SMG8: variants seen among roughly 807,000 people sequenced by gnomAD.
SMG8 encodes nonsense-mediated mRNA decay factor SMG8.
SMG8 carries 49 observed loss-of-function variants against 82.1 expected under a neutral mutation model. The observed-to-expected ratio is 0.60, with a 90% CI of 0.47 to 0.76. The LOEUF is 0.76. SMG8 is among the 30% of genes least tolerant of loss of function. SMG8 has a pLI of 0.00. For synonymous variants in SMG8, 404 were observed against 430.0 expected (o/e 0.94, Z 0.75); for missense variants, 969 against 1,166.4 (o/e 0.83, Z 2.46).
In SMG8 at chr17:59,210,116, G is replaced by T; in HGVS notation, c.65G>T (p.Ser22Ile). 6.3e-7 allele frequency: 1 copy of T among 1,581,008 alleles called. No homozygotes were observed. Among genetic ancestry groups the T allele is most frequent in the South Asian group, 1.2e-5 (1 of 85,668 alleles). Residue 22 changes from serine (S) to isoleucine (I), a missense_variant, in exon 1 of 4, where the codon AGT (serine) becomes ATT (isoleucine). Around this residue, in one of 3 missense-constraint regions of SMG8, gnomAD observed 206 missense variants for 190.5 expected, o/e 1.08. Coordinates refer to ENST00000300917, the MANE Select transcript of SMG8 (RefSeq NM_018149.7). The part of the protein sequence containing the change: ...MGASAWMGSE[S>I]PGGSPTEGGG... ...GCATCAGCCTGGATGGGCTCTGAAA[G>T]TCCCGGAGGGTCCCCTACTGAGGGC...
Position 59,211,648 on chromosome 17 carries a change from C to G in SMG8, c.1597C>G (p.Arg533Gly). 6.2e-7 allele frequency: 1 copy of G among 1,613,968 alleles called. No individual in the cohort carries two copies. The highest frequency in any genetic ancestry group is 8.5e-7 in the Non-Finnish European group (1 of 1,179,992). The part of the protein sequence containing the change: ...VHKNQLAQAL[R>G]VYSQHARGPA... ...TAAGAATCAGCTTGCCCAGGCTCTT[C>G]GAGTGTACAGTCAACATGCTAGAGG... The change falls in exon 1 of 4, where the codon CGA becomes GGA. Residue 533 changes from arginine to glycine, a missense_variant. Physicochemically the swap from Arg to Gly is moderately radical, Grantham distance 125 (BLOSUM62 -2). This residue lies in a region of SMG8 where 662 missense variants were observed against 884.8 expected (regional missense o/e 0.75). Coordinates refer to ENST00000300917, the MANE Select transcript of SMG8 (RefSeq NM_018149.7).
In SMG8 at chr17:59,212,484, C is replaced by G; in HGVS notation, c.1903C>G (p.Gln635Glu). The G allele has an allele frequency of 6.3e-7, 1 of 1,592,464 alleles. No individual in the cohort carries two copies. Among genetic ancestry groups the G allele is most frequent in the Non-Finnish European group, 8.6e-7 (1 of 1,165,802 alleles). Reference protein sequence around the residue: ...DIKAANYDFYQLLEEKCCGKL... With the variant: ...DIKAANYDFYELLEEKCCGKL... ...CAAAGCAGCCAATTATGACTTCTAT[C>G]AGGTAGACTCTGAATTTTTTCTTCT... is the stretch of plus-strand genomic sequence containing the variant. Residue 635 changes from glutamine to glutamate, a missense_variant and splice_region_variant, in exon 2 of 4, where the codon CAG becomes GAG. By Grantham distance (29) the Gln-to-Glu change is conservative (BLOSUM62 2). Around this residue, in one of 3 missense-constraint regions of SMG8, gnomAD observed 662 missense variants for 884.8 expected, o/e 0.75. Coordinates refer to ENST00000300917, the MANE Select transcript of SMG8 (RefSeq NM_018149.7).
rs745725438 is a variant in SMG8 at position 59,211,257 on chromosome 17, A to G, written c.1206A>G (p.Ser402=). 1.2e-6 allele frequency: 2 copies of G among 1,614,142 alleles called. No homozygotes were observed. The highest frequency in any genetic ancestry group is 1.7e-6 in the Non-Finnish European group (2 of 1,180,004). The change falls in exon 1 of 4, where the codon TCA becomes TCG. Residue 402 remains serine, a synonymous_variant. Transcript: ENST00000300917. ...TTGACAGCAGCAGTTCCAGTTCTTC[A>G]GGCCAGCTAGTGGATTTCACTCTTC... The part of the protein sequence containing the change: ...FHIDSSSSSS[S]GQLVDFTLRE...
At position 59,210,233 on chromosome 17, in the gene SMG8, A is replaced by G; in HGVS notation, c.182A>G (p.Asn61Ser). The G allele has an allele frequency of 1.2e-6, 2 of 1,610,540 alleles. No individual in the cohort carries two copies. Among genetic ancestry groups the G allele is most frequent in the East Asian group, 4.5e-5 (2 of 44,798 alleles). The change falls in exon 1 of 4, where the codon AAT becomes AGT. Residue 61 changes from asparagine to serine, a missense_variant. Asn to Ser is a conservative substitution (Grantham distance 46, BLOSUM62 1). Transcript: ENST00000300917. ...TTCGGCAAGACGGCTCTACGCCTGA[A>G]TTCCGAGAAGTTCTCTCTTGTGAAT... ...GIFGKTALRLNSEKFSLVNTV... is the reference protein window; with the variant it reads ...GIFGKTALRLSSEKFSLVNTV...
At position 59,214,786 on chromosome 17, in the gene SMG8, T is replaced by C. The variant is rs376970985; in HGVS notation, c.2779-19T>C. ...ATATTGAGAAATGTGAAAATAATTA[T>C]ACTACCTGTGTTTTTCAGGTTCAGC... On this transcript the variant is annotated intron_variant, in intron 3 of 3. Coordinates refer to ENST00000300917, the MANE Select transcript of SMG8 (RefSeq NM_018149.7). The C allele has an allele frequency of 7.7e-5, 67 of 870,330 alleles. No individual in the cohort carries two copies. The highest frequency in any genetic ancestry group is 1.3e-4 in the Non-Finnish European group (66 of 500,502). The allele number at this position is 870,330 out of a possible 1,614,324, so 53.9% of individuals were successfully genotyped here.
chr17:59,212,589 C>T (rs944863961), intron 2 of SMG8, 103 bp downstream of exon 2: 1 of 1,471,830 alleles, frequency 6.8e-7, no homozygotes, highest in Non-Finnish European at 9.2e-7. Context: ...AAAGCAAATG[C>T]AACTGCAGTA....
chr17:59,212,288 G>C (rs967563989), intron 1 of SMG8, 53 bp from the exon 2 acceptor site: 11 of 1,483,680 alleles, frequency 7.4e-6, no homozygotes, highest in Admixed American at 3.8e-5. Flanking sequence ...AGAATGCAAA[G>C]TAAATTCGCA....
intron 1 of SMG8, chr17:59,212,108 AAAAT>A (rs1489450541): frequency 7.0e-6 from 3 of 430,086 alleles, no homozygotes; most frequent in African/African-American, 6.1e-5. Context: ...TTGTAGAACT[AAAAT>A]GAATGTTATG....
chr17:59,211,817 A>G lies in SMG8; in HGVS notation c.1759+7A>G. 1 of 1,512,864 alleles carries G rather than the reference A, an allele frequency of 6.6e-7. No homozygotes were observed. Among genetic ancestry groups the G allele is most frequent in the Non-Finnish European group, 8.8e-7 (1 of 1,137,534 alleles). The allele number at this position is 1,512,864 out of a possible 1,614,324, so 93.7% of individuals were successfully genotyped here. A position where few individuals can be genotyped will look rare whatever the true frequency, so the allele number is the denominator to read the frequency against. On this transcript the variant is annotated splice_region_variant and intron_variant, in intron 1 of 3. Transcript: ENST00000300917. ...CACTCATTACCTAAATCAGGTAGCT[A>G]AAATTTGTTCAGCATTTTGAAATAA... is the stretch of plus-strand genomic sequence containing the variant.
rs773694805 is a variant in SMG8 at position 59,210,400 on chromosome 17, C to T, written c.349C>T (p.Arg117Trp). The change falls in exon 1 of 4, where the codon CGG becomes TGG. Residue 117 changes from arginine (R) to tryptophan (W), a missense_variant. Physicochemically the swap from Arg to Trp is moderately radical, Grantham distance 101. Coordinates refer to ENST00000300917, the MANE Select transcript of SMG8 (RefSeq NM_018149.7). ...TGGGGCTGCAGCCGGGGGTTCAGTT[C>T]GGGGAAGTGGAGCTGTCGCGGAAGG... ...DPGAAAGGSV[R>W]GSGAVAEGNR... 35 of 1,610,440 alleles carry T rather than the reference C, an allele frequency of 2.2e-5. No individual in the cohort carries two copies. The highest frequency in any genetic ancestry group is 4.0e-5 in the African/African-American group (3 of 74,830).
intron 2 of SMG8, 62 bp from the exon 3 acceptor site, chr17:59,212,667 T>A (rs1261889651): frequency 6.6e-7 from 1 of 1,517,974 alleles, no homozygotes; most frequent in Non-Finnish European, 8.8e-7. Context: ...TTGATCTTGT[T>A]AGAATGAAGA....
rs777293335 is a variant in SMG8, at chr17:59,212,350, C to A, written c.1769C>A (p.Pro590Gln). The change falls in exon 2 of 4, where the codon CCA (proline) becomes CAA (glutamine). Residue 590 changes from proline (P) to glutamine (Q), a missense_variant. Pro to Gln is a moderately conservative substitution (Grantham distance 76). Around this residue, in one of 3 missense-constraint regions of SMG8, gnomAD observed 662 missense variants for 884.8 expected, o/e 0.75. Transcript: ENST00000300917. ...FHSLPKSGEK[P>Q]EADRNPPVLY... is the part of the protein sequence containing the mutation. ...CTGTTATATTTTCCAGGAGAAAAAC[C>A]AGAGGCTGATAGAAATCCGCCTGTG... 33 of 1,560,610 alleles carry A rather than the reference C, an allele frequency of 2.1e-5. No individual in the cohort carries two copies. The highest frequency in any genetic ancestry group is 2.6e-5 in the Non-Finnish European group (30 of 1,144,328).
Position 59,212,279 on chromosome 17 carries a change from G to C in SMG8, c.1760-62G>C, listed in dbSNP as rs1019164465. 7 of 1,429,684 alleles carry C rather than the reference G, an allele frequency of 4.9e-6. No homozygotes were observed. In the African/African-American group the frequency reaches 9.8e-5, roughly 20 times the overall value. The allele number at this position is 1,429,684 out of a possible 1,614,324, so 88.6% of individuals were successfully genotyped here. On this transcript the variant is annotated intron_variant, in intron 1 of 3. Transcript: ENST00000300917. ...TTTGTTTGTGGGGTTAGATGTTGTAGAATGCAAAGTAAATTCGCACATTGT... is the reference window on the plus strand; with the variant it reads ...TTTGTTTGTGGGGTTAGATGTTGTACAATGCAAAGTAAATTCGCACATTGT...
Position 59,212,326 on chromosome 17 carries a change from T to G in SMG8, c.1760-15T>G, listed in dbSNP as rs752579015. ...TTGTGTTTATGAAATTAATAGTGGC[T>G]GTTATATTTTCCAGGAGAAAAACCA... On this transcript the variant is annotated splice_polypyrimidine_tract_variant and intron_variant, in intron 1 of 3. Coordinates refer to ENST00000300917, the MANE Select transcript of SMG8 (RefSeq NM_018149.7). 5.7e-5 allele frequency: 89 copies of G among 1,552,254 alleles called. No homozygotes were observed. The African/African-American group carries it at 1.0e-3, about 18-fold the overall frequency.
Position 59,212,337 on chromosome 17 carries a change from C to G in SMG8, c.1760-4C>G, listed in dbSNP as rs758867173. Reference sequence around the variant, plus strand: ...AAATTAATAGTGGCTGTTATATTTTCCAGGAGAAAAACCAGAGGCTGATAG... The same window carrying G: ...AAATTAATAGTGGCTGTTATATTTTGCAGGAGAAAAACCAGAGGCTGATAG... On this transcript the variant is annotated splice_region_variant and splice_polypyrimidine_tract_variant and intron_variant, in intron 1 of 3. Coordinates refer to ENST00000300917, the MANE Select transcript of SMG8 (RefSeq NM_018149.7). 1 of 1,551,062 alleles carries G rather than the reference C, an allele frequency of 6.4e-7. No homozygotes were observed. The highest frequency in any genetic ancestry group is 8.8e-7 in the Non-Finnish European group (1 of 1,138,918).
chr17:59,211,664 A>G lies in SMG8; in HGVS notation c.1613A>G (p.His538Arg). The G allele has an allele frequency of 6.2e-7, 1 of 1,614,056 alleles. No individual in the cohort carries two copies. Among genetic ancestry groups the G allele is most frequent in the Non-Finnish European group, 8.5e-7 (1 of 1,180,002 alleles). The change falls in exon 1 of 4, where the codon CAT (histidine) becomes CGT (arginine). Residue 538 changes from histidine to arginine, a missense_variant. Physicochemically the swap from His to Arg is conservative, Grantham distance 29. This residue lies in a region of SMG8 where 662 missense variants were observed against 884.8 expected (regional missense o/e 0.75). Coordinates refer to ENST00000300917, the MANE Select transcript of SMG8 (RefSeq NM_018149.7). Reference protein sequence around the residue: ...LAQALRVYSQHARGPAFHKYA... With the variant: ...LAQALRVYSQRARGPAFHKYA... Reference sequence around the variant, plus strand: ...CAGGCTCTTCGAGTGTACAGTCAACATGCTAGAGGTCCAGCATTTCACAAA... The same window carrying G: ...CAGGCTCTTCGAGTGTACAGTCAACGTGCTAGAGGTCCAGCATTTCACAAA...
chr17:59,213,555 T>G lies in SMG8; in HGVS notation c.2732T>G (p.Phe911Cys). Residue 911 changes from phenylalanine to cysteine, a missense_variant, in exon 3 of 4, where the codon TTT becomes TGT. Around this residue, in one of 3 missense-constraint regions of SMG8, gnomAD observed 101 missense variants for 91.1 expected, o/e 1.11. Coordinates refer to ENST00000300917, the MANE Select transcript of SMG8 (RefSeq NM_018149.7). ...KPHYAQLMRL[F>C]VVVPDAPLQI... ...CATTATGCTCAACTTATGAGGCTTTTTGTTGTGGTTCCTGATGCTCCTTTG... is the reference window on the plus strand; with the variant it reads ...CATTATGCTCAACTTATGAGGCTTTGTGTTGTGGTTCCTGATGCTCCTTTG... The G allele has an allele frequency of 6.2e-7, 1 of 1,613,950 alleles. No individual in the cohort carries two copies. The highest frequency in any genetic ancestry group is 1.1e-5 in the South Asian group (1 of 91,006).
rs199713610 is a variant in SMG8 at position 59,210,908 on chromosome 17, C to T, written c.857C>T (p.Ala286Val). ...GAACCTCCTCGGAACCAAGACCCAGCTCATCCAGACAAGCCCAAGAAACAT... is the reference window on the plus strand; with the variant it reads ...GAACCTCCTCGGAACCAAGACCCAGTTCATCCAGACAAGCCCAAGAAACAT... ...KVEPPRNQDP[A>V]HPDKPKKHSP... Residue 286 changes from alanine (A) to valine (V), a missense_variant, in exon 1 of 4, where the codon GCT becomes GTT. Ala to Val is a moderately conservative substitution (Grantham distance 64, BLOSUM62 0). Around this residue, in one of 3 missense-constraint regions of SMG8, gnomAD observed 662 missense variants for 884.8 expected, o/e 0.75. Coordinates refer to ENST00000300917, the MANE Select transcript of SMG8 (RefSeq NM_018149.7). 6.2e-7 allele frequency: 1 copy of T among 1,614,210 alleles called. No individual in the cohort carries two copies. Among genetic ancestry groups the T allele is most frequent in the Admixed American group, 1.7e-5 (1 of 60,018 alleles).
chr17:59,211,342 G>A lies in SMG8; in HGVS notation c.1291G>A (p.Val431Met), dbSNP rs553351679. Residue 431 changes from valine to methionine, a missense_variant, in exon 1 of 4, where the codon GTG becomes ATG. By Grantham distance (21) the Val-to-Met change is conservative. Coordinates refer to ENST00000300917, the MANE Select transcript of SMG8 (RefSeq NM_018149.7). ...AAGCAAGAAAGGTTTCGATGACAGT[G>A]TGGGCAGGAACCCACAGCCTTCCCA... The part of the protein sequence containing the change: ...VLSKKGFDDS[V>M]GRNPQPSHFE... 6.2e-7 allele frequency: 1 copy of A among 1,614,166 alleles called. No homozygotes were observed. Among genetic ancestry groups the A allele is most frequent in the South Asian group, 1.1e-5 (1 of 91,082 alleles).
Sources: gnomAD v4.1 joint callset for allele counts on GRCh38, gnomAD v4.1.1 for gene constraint, gnomAD v4.1.1 regional missense constraint, MANE v1.5 for transcripts, NCBI Gene and HGNC (gene_info 2026-07-23, HGNC 2026-07-21) for gene names.